SYT11: variants seen among roughly 807,000 people sequenced by gnomAD.
SYT11 encodes synaptotagmin 11.
A neutral mutation model predicts 30.4 loss-of-function variants in SYT11; 12 were observed. The ratio of observed to expected loss-of-function variants is 0.39; its 90% CI spans 0.25 to 0.64. SYT11 has a LOEUF of 0.64. Ranked by LOEUF, SYT11 falls within the 30% of genes least tolerant of loss-of-function variation. SYT11 has a pLI of 0.45. For missense variants in SYT11, 412 were observed against 552.0 expected (o/e 0.75, Z 2.54); for synonymous variants, 204 against 216.0 (o/e 0.94, Z 0.49).
intron 2 of SYT11, among the ~76,000 whole-genome samples, chr1:155,877,607 G>T (rs1672886011): frequency 6.7e-6 from 1 of 149,620 alleles, no homozygotes. Flanking sequence ...AGGCCGGAGT[G>T]CAGTGGCGCA....
In SYT11 at chr1:155,881,699, T is replaced by C. The variant is rs1672965794; in HGVS notation, c.*191T>C. ...AGTTCTTAGCAATGATGTTTTTTTT[T>C]CTGCTTTGCAAGGCGCTAGAATCTT... On this transcript the variant is annotated 3_prime_UTR_variant, in exon 4 of 4. Transcript: ENST00000368324. The C allele has an allele frequency of 2.0e-6, 1 of 510,106 alleles. No homozygotes were observed. Among genetic ancestry groups the C allele is most frequent in the Non-Finnish European group, 3.4e-6 (1 of 291,628 alleles). The allele number at this position is 510,106 out of a possible 1,614,324, so 31.6% of individuals were successfully genotyped here.
intron 2 of SYT11, among the ~76,000 whole-genome samples, chr1:155,876,468 G>C (rs1672862918): frequency 6.6e-6 from 1 of 151,322 alleles, no homozygotes; most frequent in South Asian, 2.1e-4. Context: ...GGATGGTCCC[G>C]ATCTCCTGAC....
chr1:155,884,752 G>T lies in SYT11; in HGVS notation c.*3244G>T, dbSNP rs183343533. ...ACAAGAATTTTTCTTAATAACAAAG[G>T]TCCCTTTATGAGTTATTCCTTCTTT... On this transcript the variant is annotated 3_prime_UTR_variant, in exon 4 of 4. Coordinates refer to ENST00000368324, the MANE Select transcript of SYT11 (RefSeq NM_152280.5). 1.8e-4 allele frequency: 28 copies of T among 152,860 alleles called. No homozygotes were observed. Among genetic ancestry groups the T allele is most frequent in the Admixed American group, 1.8e-3 (27 of 15,278 alleles). 9.5% of individuals were successfully genotyped at this position (152,860 alleles called of 1,614,324 possible). A position where few individuals can be genotyped will look rare whatever the true frequency, so the allele number is the denominator to read the frequency against.
chr1:155,862,561 C>G (rs1457357742), intron 1 of SYT11, among the ~76,000 whole-genome samples: 2 of 152,234 alleles, frequency 1.3e-5, no homozygotes, highest in Non-Finnish European at 2.9e-5. Flanking sequence ...CATCTTCTCT[C>G]TTTTCTACCC....
intron 3 of SYT11, 62 bp downstream of exon 3, chr1:155,880,685 C>T: frequency 1.3e-6 from 2 of 1,589,642 alleles, no homozygotes; most frequent in Middle Eastern, 1.7e-4. Flanking sequence ...TTGCCTGTGG[C>T]CCAGATAGAC....
At chr1:155,874,791 G>A (rs1672835530) in intron 2 of SYT11, among the ~76,000 whole-genome samples, 1 of 149,058 alleles carries the variant, frequency 6.7e-6, no homozygotes, top group Admixed American at 6.7e-5. Flanking sequence ...TCAGGAGGCT[G>A]AGCCAGGAGA....
chr1:155,868,502 C>T lies in SYT11; in HGVS notation c.572C>T (p.Thr191Ile). Residue 191 changes from threonine (T) to isoleucine (I), a missense_variant, in exon 2 of 4, where the codon ACC becomes ATC. By Grantham distance (89) the Thr-to-Ile change is moderately conservative. Coordinates refer to ENST00000368324, the MANE Select transcript of SYT11 (RefSeq NM_152280.5). The surrounding 1 kb of genome is among the most constrained non-coding windows in gnomAD (Gnocchi z 4.7). ...AHGLPVMDDQTQGSDPYIKMT... is the reference protein window; with the variant it reads ...AHGLPVMDDQIQGSDPYIKMT... ...GGGCTGCCAGTGATGGATGACCAGA[C>T]CCAGGGATCTGACCCCTACATCAAA... 6.2e-7 allele frequency: 1 copy of T among 1,614,088 alleles called. No individual in the cohort carries two copies. Among genetic ancestry groups the T allele is most frequent in the Non-Finnish European group, 8.5e-7 (1 of 1,179,986 alleles).
At chr1:155,867,900 CA>C in intron 1 of SYT11, 64 bp from the exon 2 acceptor site, 1 of 1,229,608 alleles carries the variant, frequency 8.1e-7, no homozygotes, top group Non-Finnish European at 1.1e-6. Flanking sequence ...TGGCAATGAG[CA>C]GGGGAGATCT....
Position 155,883,821 on chromosome 1 carries a change from C to A in SYT11, c.*2313C>A, listed in dbSNP as rs1446324675. The A allele has an allele frequency of 6.6e-6, 1 of 152,218 alleles. No homozygotes were observed. Among genetic ancestry groups the A allele is most frequent in the African/African-American group, 2.4e-5 (1 of 41,374 alleles). The allele number at this position is 152,218 out of a possible 1,614,324, so 9.4% of individuals were successfully genotyped here. ...TTAAAACCATTCTGCTCCCCCTAAACCTTTTGTTTGATTTCAGCCCATGTT... is the reference window on the plus strand; with the variant it reads ...TTAAAACCATTCTGCTCCCCCTAAAACTTTTGTTTGATTTCAGCCCATGTT... On this transcript the variant is annotated 3_prime_UTR_variant, in exon 4 of 4. Coordinates refer to ENST00000368324, the MANE Select transcript of SYT11 (RefSeq NM_152280.5).
At chr1:155,877,302 C>T (rs1480269770) in intron 2 of SYT11, among the ~76,000 whole-genome samples, 2 of 151,836 alleles carry the variant, frequency 1.3e-5, no homozygotes, top group East Asian at 3.9e-4. Context: ...TGAGGTTTCA[C>T]CATGTTGGCC....
intron 2 of SYT11, among the ~76,000 whole-genome samples, chr1:155,877,297 T>C (rs1269289852): frequency 6.6e-6 from 1 of 151,522 alleles, no homozygotes; most frequent in African/African-American, 2.4e-5. Flanking sequence ...AGAGATGAGG[T>C]TTCACCATGT....
At chr1:155,864,942 C>A (rs1428638565) in intron 1 of SYT11, among the ~76,000 whole-genome samples, 1 of 152,014 alleles carries the variant, frequency 6.6e-6, no homozygotes, top group Non-Finnish European at 1.5e-5. Flanking sequence ...AACTCCTGAC[C>A]TCAGGTGATC....
chr1:155,867,998 C>T lies in SYT11; in HGVS notation c.68C>T (p.Ala23Val), dbSNP rs1672709027. ...CCGGTGGTGGCCGGCCTCATCGGGG[C>T]CTCTGTGCTGGTGGTGTGTGTCTCG... ...VSPVVAGLIG[A>V]SVLVVCVSVT... The change falls in exon 2 of 4, where the codon GCC (alanine) becomes GTC (valine). Residue 23 changes from alanine to valine, a missense_variant. Ala to Val is a moderately conservative substitution (Grantham distance 64). Coordinates refer to ENST00000368324, the MANE Select transcript of SYT11 (RefSeq NM_152280.5). 2 of 1,612,204 alleles carry T rather than the reference C, an allele frequency of 1.2e-6. No homozygotes were observed. The highest frequency in any genetic ancestry group is 8.5e-7 in the Non-Finnish European group (1 of 1,179,516).
intron 1 of SYT11, among the ~76,000 whole-genome samples, chr1:155,865,309 A>G (rs1672651528): frequency 1.3e-5 from 2 of 152,184 alleles, no homozygotes; most frequent in Non-Finnish European, 2.9e-5. Flanking sequence ...TAAGTGAAGC[A>G]GTGAGCTGCA....
rs1484523338 is a variant in SYT11, at chr1:155,868,432, A to C, written c.502A>C (p.Asn168His). 9.9e-6 allele frequency: 16 copies of C among 1,613,942 alleles called. No homozygotes were observed. Among genetic ancestry groups the C allele is most frequent in the Non-Finnish European group, 1.2e-5 (14 of 1,179,992 alleles). The change falls in exon 2 of 4, where the codon AAC (asparagine) becomes CAC (histidine). Residue 168 changes from asparagine (N) to histidine (H), a missense_variant. By Grantham distance (68) the Asn-to-His change is moderately conservative (BLOSUM62 1). Transcript: ENST00000368324. This position sits in a 1 kb window ranked among gnomAD's most constrained non-coding sequence, Gnocchi z 4.7. ...ATCCCTCACCTTCTCAGTGGACTAT[A>C]ACTTCCCGAAAAAAGCCCTGGTGGT... is the stretch of plus-strand genomic sequence containing the variant. The part of the protein sequence containing the change: ...LGSLTFSVDY[N>H]FPKKALVVTI...
intron 1 of SYT11, among the ~76,000 whole-genome samples, chr1:155,866,694 G>T (rs144594772): frequency 6.6e-6 from 1 of 151,942 alleles, no homozygotes; most frequent in Non-Finnish European, 1.5e-5. Flanking sequence ...GCAAGGCTAG[G>T]AAGAGTGGGT....
chr1:155,879,731 G>A (rs1672931049), intron 2 of SYT11, among the ~76,000 whole-genome samples: 1 of 152,172 alleles, frequency 6.6e-6, no homozygotes, highest in Non-Finnish European at 1.5e-5. Flanking sequence ...CAAATGAGAG[G>A]ATGCACTTCT....
intron 2 of SYT11, among the ~76,000 whole-genome samples, chr1:155,878,757 C>G (rs2102566037): frequency 6.6e-6 from 1 of 152,036 alleles, no homozygotes; most frequent in East Asian, 1.9e-4. Flanking sequence ...GTCCCAGCTA[C>G]TCAGGAGGAT....
chr1:155,873,073 G>A (rs185374823), intron 2 of SYT11, among the ~76,000 whole-genome samples: 17 of 152,252 alleles, frequency 1.1e-4, no homozygotes, highest in African/African-American at 3.6e-4. Context: ...ATAAGTAATC[G>A]GGAAACCTAA....
Sources: allele counts gnomAD v4.1 joint callset (sites outside exome capture counted in the v4.1 genomes callset), GRCh38; gene constraint gnomAD v4.1.1; non-coding constraint Gnocchi (gnomAD v3.1); transcripts MANE v1.5; gene names NCBI Gene and HGNC (gene_info 2026-07-23, HGNC 2026-07-21).